MGMT: variants seen among roughly 807,000 people sequenced by gnomAD.
MGMT encodes the protein methylated-DNA--protein-cysteine methyltransferase.
A neutral mutation model predicts 15.9 loss-of-function variants in MGMT; 14 were observed. The ratio of observed to expected loss-of-function variants is 0.88; its 90% confidence interval spans 0.58 to 1.37. The LOEUF (loss-of-function observed/expected upper bound fraction) is 1.37, where lower values mean the gene tolerates loss of function less well. Ranked by LOEUF, MGMT falls within the 40% of genes most tolerant of loss-of-function variation. The probability of loss-of-function intolerance (pLI) is 0.00; values close to 1 mark genes in which losing one functional copy is unlikely to be tolerated. For missense variants in MGMT, 282 were observed against 268.1 expected, an observed-to-expected ratio of 1.05 and a Z score of -0.36; for synonymous variants, 130 against 118.2, an observed-to-expected ratio of 1.10 and a Z score of -0.65.
intron 1 of MGMT, among the ~76,000 whole-genome samples, chr10:129,474,776 G>A (rs1304450720): frequency 6.6e-6 from 1 of 152,194 alleles, no homozygotes; most frequent in Non-Finnish European, 1.5e-5. Context: ...GTGTGCTGGG[G>A]CCTTAAACAC....
At chr10:129,580,103 T>A (rs1473620298) in intron 2 of MGMT, among the ~76,000 whole-genome samples, 1 of 152,222 alleles carries the variant, frequency 6.6e-6, no homozygotes, top group Non-Finnish European at 1.5e-5. Context: ...GGACTCTCAC[T>A]TTCTAATTGC....
chr10:129,692,094 T>C (rs1378013198), intron 2 of MGMT, among the ~76,000 whole-genome samples: 1 of 152,196 alleles, frequency 6.6e-6, no homozygotes, highest in Admixed American at 6.5e-5. Context: ...GCAGCTGCCA[T>C]GATTTTTGGG....
chr10:129,539,996 T>C (rs1846026999), intron 2 of MGMT, among the ~76,000 whole-genome samples: 2 of 152,140 alleles, frequency 1.3e-5, no homozygotes, highest in Admixed American at 1.3e-4. Flanking sequence ...TTTGGGAGGG[T>C]TGACATCTTG....
At chr10:129,500,031 T>C (rs187745971) in intron 1 of MGMT, among the ~76,000 whole-genome samples, 2 of 152,366 alleles carry the variant, frequency 1.3e-5, no homozygotes, top group Admixed American at 6.5e-5. Context: ...ATTAATAGGT[T>C]AGGTGTTTCC....
intron 2 of MGMT, chr10:129,701,671 TTGC>T (rs1158204483): frequency 1.3e-5 from 2 of 152,216 alleles, no homozygotes; most frequent in Non-Finnish European, 2.9e-5. Flanking sequence ...CTCTTCCTGC[TTGC>T]TGCTTTCCTC....
At chr10:129,676,056 T>C (rs900724903) in intron 2 of MGMT, among the ~76,000 whole-genome samples, 4 of 152,100 alleles carry the variant, frequency 2.6e-5, no homozygotes, top group African/African-American at 4.8e-5. Flanking sequence ...AGGGGCTCCA[T>C]TGGCTGAGCA....
intron 2 of MGMT, among the ~76,000 whole-genome samples, chr10:129,604,951 A>G (rs1846871399): frequency 6.6e-6 from 1 of 152,216 alleles, no homozygotes; most frequent in South Asian, 2.1e-4. Flanking sequence ...TTGAACCCTT[A>G]AATGGGGGCC....
rs928807652 is a variant in MGMT, at chr10:129,738,007, G to A, written c.275-21195G>A. Reference sequence around the variant, plus strand: ...CTGCAGAGGTTACTGCTGTCTTTTTGTTGGTCTGTGCCCTGCCCCCAGAGG... The same window carrying A: ...CTGCAGAGGTTACTGCTGTCTTTTTATTGGTCTGTGCCCTGCCCCCAGAGG... On this transcript the variant is annotated intron_variant, in intron 3 of 4. Coordinates refer to ENST00000651593, the MANE Select transcript of MGMT (RefSeq NM_002412.5). 2.6e-5 allele frequency among the ~76,000 whole-genome samples: 4 copies of A among 152,338 alleles called. No homozygotes were observed. The South Asian group carries it at 6.2e-4, about 24-fold the overall frequency.
At chr10:129,695,121 C>T (rs1306466874) in intron 2 of MGMT, among the ~76,000 whole-genome samples, 1 of 151,836 alleles carries the variant, frequency 6.6e-6, no homozygotes, top group East Asian at 1.9e-4. Context: ...TTAATAGTTG[C>T]TGAGGATTTT....
chr10:129,569,449 C>T (rs541567087), intron 2 of MGMT, among the ~76,000 whole-genome samples: 2 of 152,326 alleles, frequency 1.3e-5, no homozygotes, highest in African/African-American at 2.4e-5. Context: ...TTATCATCCA[C>T]GCTAGAGACT....
chr10:129,694,806 G>A (rs1431063268), intron 2 of MGMT, among the ~76,000 whole-genome samples: 1 of 152,166 alleles, frequency 6.6e-6, no homozygotes, highest in East Asian at 1.9e-4. Flanking sequence ...AAGGGAGGGG[G>A]ACAGCATCTG....
chr10:129,518,856 A>G (rs7087434), intron 1 of MGMT, among the ~76,000 whole-genome samples: 37,582 of 151,432 alleles, frequency 0.25, 5,604 homozygotes, highest in African/African-American at 0.42. Context: ...GTGGGGCTTC[A>G]ACAGCCCAAC....
At chr10:129,470,071 C>T (rs951874144) in intron 1 of MGMT, among the ~76,000 whole-genome samples, 18 of 152,190 alleles carry the variant, frequency 1.2e-4, no homozygotes, top group Admixed American at 1.2e-3. Context: ...ACACATAAAC[C>T]ATCACCTGAC....
intron 3 of MGMT, among the ~76,000 whole-genome samples, chr10:129,737,771 C>T (rs1182269060): frequency 2.0e-5 from 3 of 152,204 alleles, no homozygotes; most frequent in African/African-American, 7.2e-5. Context: ...TTCCTTCTAA[C>T]ATACAGGACC....
chr10:129,684,804 G>A (rs1847887902), intron 2 of MGMT, among the ~76,000 whole-genome samples: 1 of 152,200 alleles, frequency 6.6e-6, no homozygotes, highest in South Asian at 2.1e-4. Flanking sequence ...CAGCCAGGAG[G>A]AAATGCAGAA....
At chr10:129,722,087 A>G (rs1470393097) in intron 3 of MGMT, among the ~76,000 whole-genome samples, 1 of 152,156 alleles carries the variant, frequency 6.6e-6, no homozygotes, top group Non-Finnish European at 1.5e-5. Context: ...AAAGGAATAC[A>G]TTGACAGAAA....
At chr10:129,589,907 G>A (rs950977464) in intron 2 of MGMT, among the ~76,000 whole-genome samples, 5 of 152,252 alleles carry the variant, frequency 3.3e-5, no homozygotes, top group Non-Finnish European at 7.3e-5. Flanking sequence ...GAGGACGTGG[G>A]ATCTGGAGCC....
intron 3 of MGMT, among the ~76,000 whole-genome samples, chr10:129,716,396 T>C (rs545621257): frequency 6.6e-6 from 1 of 152,244 alleles, no homozygotes; most frequent in Non-Finnish European, 1.5e-5. Flanking sequence ...GAATTGTCCA[T>C]AGTCTTCCAC....
At chr10:129,506,667 G>A (rs1556657) in intron 1 of MGMT, among the ~76,000 whole-genome samples, 151,770 of 152,266 alleles carry the variant, frequency 1, 75,640 homozygotes, top group Middle Eastern at 1. Context: ...CCCATCTCTC[G>A]TTCCTATAAT....
Sources: gnomAD v4.1 joint callset for allele counts (sites outside exome capture counted in the v4.1 genomes callset) on GRCh38, gnomAD v4.1.1 for gene constraint, MANE v1.5 for transcripts, NCBI Gene and HGNC (gene_info 2026-07-23, HGNC 2026-07-21) for gene names.